Variants in CUX1 observed in about 807,000 individuals in gnomAD.
The protein encoded by CUX1 is cut like homeobox 1, also known as protein CASP.
In CUX1, 31 loss-of-function variants were observed where a neutral mutation model predicts 158.8. That is an observed-to-expected ratio of 0.20 (90% CI 0.15 to 0.26). The LOEUF is 0.26. Among genes scored for constraint, CUX1 ranks in the 10% least tolerant of loss-of-function variants. The pLI is 1.00. For synonymous variants in CUX1, 879 were observed against 862.1 expected (o/e 1.02, Z -0.34); for missense variants, 1,589 against 2,014.6 (o/e 0.79, Z 4.04).
intron 8 of CUX1, among the ~76,000 whole-genome samples, chr7:102,124,420 G>A (rs1832385841): frequency 6.6e-6 from 1 of 152,242 alleles, no homozygotes; most frequent in South Asian, 2.1e-4. Flanking sequence ...AGCAGCCTAG[G>A]TGAGGAAGTG....
intron 2 of CUX1, among the ~76,000 whole-genome samples, chr7:101,999,224 T>TTTTTC (rs1278525135): frequency 3.5e-5 from 5 of 142,152 alleles, no homozygotes; most frequent in African/African-American, 1.3e-4. Context: ...TACCTTTTTT[T>TTTTTC]TTTTTTTTTT....
chr7:101,858,857 G>T (rs1239540582), intron 1 of CUX1, among the ~76,000 whole-genome samples: 1 of 152,040 alleles, frequency 6.6e-6, no homozygotes, highest in Non-Finnish European at 1.5e-5. Flanking sequence ...GTAGAGACTA[G>T]GTTTCGCCAT....
Position 102,282,816 on chromosome 7 carries a change from G to A in CUX1, c.1967+40G>A, listed in dbSNP as rs782379397. 10 of 1,482,958 alleles carry A rather than the reference G, an allele frequency of 6.7e-6. No individual in the cohort carries two copies. In the Middle Eastern group the frequency reaches 6.3e-4, roughly 93 times the overall value. The allele number at this position is 1,482,958 out of a possible 1,614,324, so 91.9% of individuals were successfully genotyped here. On this transcript the variant is annotated intron_variant, in intron 22 of 22. Transcript: ENST00000292538. ...TTGGGCCCCCCCTCAGCCCCACAGC[G>A]AGCTCCCAGCACCCCCGCAACACCC...
chr7:102,070,578 A>C (rs1026198745), intron 4 of CUX1, among the ~76,000 whole-genome samples, 161 bp downstream of exon 4: 2 of 152,198 alleles, frequency 1.3e-5, no homozygotes, highest in Admixed American at 6.5e-5. Flanking sequence ...TGAATTCTTC[A>C]CAACCCAGAC....
intron 15 of CUX1, among the ~76,000 whole-genome samples, chr7:102,197,826 C>T (rs1237191415): frequency 6.6e-6 from 1 of 152,128 alleles, no homozygotes; most frequent in Admixed American, 6.6e-5. Flanking sequence ...ACATTGTTCA[C>T]GGTCCATTAG....
At chr7:101,846,808 C>T (rs913718902) in intron 1 of CUX1, among the ~76,000 whole-genome samples, 5 of 152,034 alleles carry the variant, frequency 3.3e-5, no homozygotes, top group African/African-American at 4.8e-5. Context: ...AAAATAATTG[C>T]AGGCTGTGTT....
chr7:101,848,579 C>T (rs919069046), intron 1 of CUX1, among the ~76,000 whole-genome samples: 2 of 152,116 alleles, frequency 1.3e-5, no homozygotes, highest in Non-Finnish European at 2.9e-5. Flanking sequence ...ATTTTCCCAG[C>T]CTGGTAGGCC....
At chr7:101,830,594 A>C (rs1158058329) in intron 1 of CUX1, among the ~76,000 whole-genome samples, 1 of 152,144 alleles carries the variant, frequency 6.6e-6, no homozygotes, top group Non-Finnish European at 1.5e-5. Flanking sequence ...CTGGGACCAC[A>C]GGTGTGCCCC....
At chr7:102,229,319 T>G (rs1455651292) in intron 21 of CUX1, among the ~76,000 whole-genome samples, 7 of 150,924 alleles carry the variant, frequency 4.6e-5, no homozygotes, top group African/African-American at 1.7e-4. Flanking sequence ...TTTTTTTTTT[T>G]TGAGATGGAG....
chr7:102,168,882 GCTTTTCTTTTCTTTTCTTTT>G (rs370878244), intron 9 of CUX1, among the ~76,000 whole-genome samples: 2 of 144,308 alleles, frequency 1.4e-5, no homozygotes, highest in Admixed American at 1.4e-4. Flanking sequence ...GCTTGGCCAG[GCTTTTCTTTTCTTTTCTTTT>G]CTTTTCTTTT....
chr7:102,044,003 A>C (rs1218097063), intron 3 of CUX1, among the ~76,000 whole-genome samples: 1 of 151,930 alleles, frequency 6.6e-6, no homozygotes, highest in Non-Finnish European at 1.5e-5. Context: ...TTTTAGAGAG[A>C]GACAGGGTCT....
chr7:102,242,752 C>T (rs1199763261), intron 23 of CUX1, among the ~76,000 whole-genome samples: 1 of 152,210 alleles, frequency 6.6e-6, no homozygotes, highest in Admixed American at 6.5e-5. Context: ...ATGGCAGTCA[C>T]TGCCCCCTGG....
rs9655774 is a variant in CUX1, at chr7:102,111,780, A to G, written c.607+6A>G. 0.27 allele frequency: 428,152 copies of G among 1,611,728 alleles called. 59,546 individuals carry two copies. Among genetic ancestry groups the G allele is most frequent in the Non-Finnish European group, 0.29 (341,245 of 1,177,962 alleles). ...GGTTCAGAGCCTACAAACAGGTTTG[A>G]TACTCTCCTTCCTAGTACCATGGAT... is the stretch of plus-strand genomic sequence containing the variant. On this transcript the variant is annotated splice_donor_region_variant and intron_variant, in intron 7 of 23. Coordinates refer to ENST00000292535, the MANE Select transcript of CUX1 (RefSeq NM_181552.4).
intron 1 of CUX1, among the ~76,000 whole-genome samples, chr7:101,861,086 C>G (rs1016681452): frequency 6.6e-6 from 1 of 152,166 alleles, no homozygotes; most frequent in African/African-American, 2.4e-5. Context: ...CCGGCCTGCA[C>G]TAGTTTTTTT....
intron 3 of CUX1, among the ~76,000 whole-genome samples, chr7:102,065,851 C>T (rs10268529): frequency 1.3e-3 from 197 of 150,620 alleles, no homozygotes; most frequent in African/African-American, 4.1e-3. Flanking sequence ...AGTGCAGTGG[C>T]GTGATCTCGG....
chr7:101,907,714 G>A (rs1802917538), intron 1 of CUX1, among the ~76,000 whole-genome samples: 1 of 152,024 alleles, frequency 6.6e-6, no homozygotes, highest in South Asian at 2.1e-4. Flanking sequence ...TCCTTTAAAT[G>A]GAGCCCACGA....
At chr7:102,268,549 A>G (rs1394634757) in intron 14 of CUX1, among the ~76,000 whole-genome samples, 1 of 152,174 alleles carries the variant, frequency 6.6e-6, no homozygotes, top group Non-Finnish European at 1.5e-5. Flanking sequence ...ACCTCACAGC[A>G]GCACTGTCTC....
Position 101,859,994 on chromosome 7 carries a change from A to G in CUX1, c.30+42325A>G, listed in dbSNP as rs1313434320. On this transcript the variant is annotated intron_variant, in intron 1 of 23. Transcript: ENST00000292535. ...TTTTTCCTTCCCTCCCTCCCTCCCT[A>G]CCTTCCTCCCTTCCTTCCTTCCTCT... 4.1e-5 allele frequency among the ~76,000 whole-genome samples: 4 copies of G among 96,420 alleles called. No homozygotes were observed. In the Admixed American group the frequency reaches 5.8e-4, roughly 14 times the overall value. 63.3% of individuals were successfully genotyped at this position (96,420 alleles called of 152,430 possible).
chr7:102,200,498 A>G (rs1795301281), intron 17 of CUX1, among the ~76,000 whole-genome samples: 1 of 152,028 alleles, frequency 6.6e-6, no homozygotes, highest in Non-Finnish European at 1.5e-5. Flanking sequence ...ATGTGCCACC[A>G]TGCCCATGAT....
Sources: allele counts gnomAD v4.1 joint callset (sites outside exome capture counted in the v4.1 genomes callset), GRCh38; gene constraint gnomAD v4.1.1; transcripts MANE v1.5; gene names NCBI Gene and HGNC (gene_info 2026-07-23, HGNC 2026-07-21).